The following THSD4 variants were observed in gnomAD, a reference collection of about 807,000 sequenced individuals.
THSD4 encodes thrombospondin type-1 domain-containing protein 4.
Under a neutral mutation model 119.0 loss-of-function variants are expected in THSD4, and 69 were observed. The ratio of observed to expected loss-of-function variants is 0.58; its 90% CI spans 0.48 to 0.71. THSD4 has a LOEUF of 0.71. THSD4 is among the 30% of genes least tolerant of loss of function. The pLI is 0.00. For synonymous variants in THSD4, 524 were observed against 540.4 expected, an observed-to-expected ratio of 0.97 and a Z score of 0.42; for missense variants, 1,393 against 1,391.1, an observed-to-expected ratio of 1.00 and a Z score of -0.02.
intron 7 of THSD4, among the ~76,000 whole-genome samples, chr15:71,460,620 A>C (rs1402233100): frequency 6.6e-6 from 1 of 152,230 alleles, no homozygotes; most frequent in East Asian, 1.9e-4. Context: ...AGATACTTTT[A>C]GAATCTGGGT....
intron 7 of THSD4, among the ~76,000 whole-genome samples, chr15:71,609,071 G>A (rs1187560634): frequency 6.6e-6 from 1 of 152,006 alleles, no homozygotes; most frequent in Non-Finnish European, 1.5e-5. Context: ...CTTATCTATT[G>A]GTAATGATCT....
At chr15:71,720,036 CTTTTTTTT>C (rs1200407782) in intron 8 of THSD4, among the ~76,000 whole-genome samples, 2 of 101,978 alleles carry the variant, frequency 2.0e-5, no homozygotes, top group Non-Finnish European at 3.5e-5. Context: ...TTTTTTTTTT[CTTTTTTTT>C]TTTTTTTTGA....
At chr15:71,112,706 C>T (rs948240145), upstream of THSD4, among the ~76,000 whole-genome samples, 29 of 152,184 alleles carry the variant, frequency 1.9e-4, no homozygotes, top group African/African-American at 6.3e-4. Context: ...CTCTCTCTTT[C>T]GGTGAGGGTC....
At chr15:71,518,563 A>G (rs930580599) in intron 7 of THSD4, among the ~76,000 whole-genome samples, 1 of 152,228 alleles carries the variant, frequency 6.6e-6, no homozygotes, top group Non-Finnish European at 1.5e-5. Flanking sequence ...AATAATAACT[A>G]TAATGATGTT....
chr15:71,106,758 C>G (rs889117807), intron 1 of THSD4, among the ~76,000 whole-genome samples: 5 of 152,022 alleles, frequency 3.3e-5, no homozygotes, highest in Non-Finnish European at 5.9e-5. Flanking sequence ...GGGGTGCTTA[C>G]AGATCACAGT....
chr15:71,247,430 G>C (rs2044214970), intron 5 of THSD4, among the ~76,000 whole-genome samples: 1 of 152,212 alleles, frequency 6.6e-6, no homozygotes. Context: ...CTTGAGTCCA[G>C]TAAGAGGGAT....
At chr15:71,225,578 C>T (rs1252161050) in intron 4 of THSD4, among the ~76,000 whole-genome samples, 9 of 116,776 alleles carry the variant, frequency 7.7e-5, no homozygotes, top group African/African-American at 2.3e-4. Flanking sequence ...GACGGAGTTT[C>T]GCTCTGTTGC....
At chr15:71,317,047 A>G (rs2045196986) in intron 6 of THSD4, among the ~76,000 whole-genome samples, 1 of 152,214 alleles carries the variant, frequency 6.6e-6, no homozygotes, top group African/African-American at 2.4e-5. Flanking sequence ...AGATTGCCTA[A>G]GTGTTTGCTT....
At chr15:71,527,211 G>C (rs2048535113) in intron 7 of THSD4, among the ~76,000 whole-genome samples, 1 of 152,102 alleles carries the variant, frequency 6.6e-6, no homozygotes, top group Non-Finnish European at 1.5e-5. Flanking sequence ...AAAGCTGCTG[G>C]AGCCTTGATC....
At chr15:71,426,680 C>T (rs1445745969) in intron 7 of THSD4, among the ~76,000 whole-genome samples, 1 of 152,160 alleles carries the variant, frequency 6.6e-6, no homozygotes, top group Admixed American at 6.5e-5. Context: ...CAAATTCCAA[C>T]TTAATGTGAC....
At chr15:71,129,574 G>C (rs1478402730) in intron 1 of THSD4, among the ~76,000 whole-genome samples, 3 of 152,116 alleles carry the variant, frequency 2.0e-5, no homozygotes, top group Admixed American at 2.0e-4. Context: ...TGCCTCTCTT[G>C]GTTTCCTTGA....
chr15:71,098,189 C>CTTTTTTTTTTTTTT (rs55726832), intron 1 of THSD4, among the ~76,000 whole-genome samples: 1 of 83,258 alleles, frequency 1.2e-5, no homozygotes, highest in African/African-American at 6.3e-5. Flanking sequence ...AATTCTTTCA[C>CTTTTTTTTTTTTTT]TTTTTTTTTT....
At chr15:71,371,005 G>C (rs2140435402) in intron 6 of THSD4, among the ~76,000 whole-genome samples, 1 of 152,282 alleles carries the variant, frequency 6.6e-6, no homozygotes. Context: ...AGCTCTTCTT[G>C]TTGAATTGAT....
At chr15:71,550,749 T>G (rs1362558634) in intron 7 of THSD4, among the ~76,000 whole-genome samples, 1 of 152,178 alleles carries the variant, frequency 6.6e-6, no homozygotes, top group Non-Finnish European at 1.5e-5. Context: ...GACGGTACAG[T>G]ATGGCAAAAC....
chr15:71,174,198 G>A (rs1464421262), intron 3 of THSD4, among the ~76,000 whole-genome samples: 2 of 152,154 alleles, frequency 1.3e-5, no homozygotes, highest in East Asian at 1.9e-4. Context: ...CGTGAGCGAC[G>A]CAGAAGACGG....
intron 7 of THSD4, among the ~76,000 whole-genome samples, chr15:71,470,525 T>G (rs1032533289): frequency 2.6e-5 from 4 of 152,232 alleles, no homozygotes; most frequent in African/African-American, 9.6e-5. Flanking sequence ...ATGGTCTCAT[T>G]AGGAGGTACT....
chr15:71,564,636 G>A (rs2049188323), intron 7 of THSD4, among the ~76,000 whole-genome samples: 1 of 129,558 alleles, frequency 7.7e-6, no homozygotes, highest in African/African-American at 3.0e-5. Flanking sequence ...AATATATATT[G>A]TATATTATAA....
At chr15:71,541,751 C>T (rs2048763521) in intron 7 of THSD4, among the ~76,000 whole-genome samples, 1 of 152,104 alleles carries the variant, frequency 6.6e-6, no homozygotes, top group Non-Finnish European at 1.5e-5. Context: ...ACAATTTGGG[C>T]TAAGTTTTTA....
chr15:71,539,163 A>G (rs549514670), intron 7 of THSD4, among the ~76,000 whole-genome samples: 1 of 152,126 alleles, frequency 6.6e-6, no homozygotes, highest in African/African-American at 2.4e-5. Context: ...GCAGCAGAGA[A>G]CTCTTCTTTG....
Sources: gnomAD v4.1 joint callset for allele counts (sites outside exome capture counted in the v4.1 genomes callset) on GRCh38, gnomAD v4.1.1 for gene constraint, MANE v1.5 for transcripts, NCBI Gene and HGNC (gene_info 2026-07-23, HGNC 2026-07-21) for gene names.